PCDHGA2: variants seen among roughly 807,000 people sequenced by gnomAD.
PCDHGA2 encodes the protein protocadherin gamma-A2.
In PCDHGA2, 40 loss-of-function variants were observed where a neutral mutation model predicts 59.2. The ratio of observed to expected loss-of-function variants is 0.68; its 90% CI spans 0.52 to 0.88. The LOEUF (loss-of-function observed/expected upper bound fraction) is 0.88, where lower values mean the gene tolerates loss of function less well. Ranked by LOEUF, PCDHGA2 falls within the 40% of genes least tolerant of loss-of-function variation. The pLI, the probability that PCDHGA2 is intolerant of heterozygous loss-of-function variation, is 0.00. For missense variants in PCDHGA2, 1,226 were observed against 1,204.0 expected (o/e 1.02, Z -0.27); for synonymous variants, 560 against 526.0 (o/e 1.06, Z -0.89).
chr5:141,415,819 T>C, intron 1 of PCDHGA2: 1 of 1,328,322 alleles, frequency 7.5e-7, no homozygotes, highest in Admixed American at 3.5e-5. Context: ...CTATATATCA[T>C]AAGGCTTTGT....
At chr5:141,365,339 G>A in intron 1 of PCDHGA2, 7 of 1,613,990 alleles carry the variant, frequency 4.3e-6, no homozygotes, top group Non-Finnish European at 5.1e-6. Context: ...GGTGGTCACA[G>A]TACAGGACGT....
chr5:141,359,582 T>A (rs936451476), intron 1 of PCDHGA2, among the ~76,000 whole-genome samples: 2 of 151,660 alleles, frequency 1.3e-5, no homozygotes, highest in African/African-American at 4.9e-5. Context: ...CTTTAAGATA[T>A]AACAACTAAA....
intron 1 of PCDHGA2, chr5:141,346,074 T>C: frequency 3.1e-6 from 5 of 1,613,498 alleles, no homozygotes; most frequent in Non-Finnish European, 4.2e-6. Context: ...CCTCGAGCCC[T>C]CCGCCAAACC....
chr5:141,381,758 A>C (rs1777407424), intron 1 of PCDHGA2, among the ~76,000 whole-genome samples: 1 of 151,374 alleles, frequency 6.6e-6, no homozygotes. Context: ...TTGTTCTACT[A>C]CTATATAATC....
intron 1 of PCDHGA2, 33 bp downstream of exon 1, chr5:141,341,428 T>G: frequency 6.2e-7 from 1 of 1,612,296 alleles, no homozygotes; most frequent in Non-Finnish European, 8.5e-7. Context: ...ACGTACTAGC[T>G]AGTTTGCTGA....
chr5:141,389,789 C>T (rs1437335316), intron 1 of PCDHGA2: 6 of 1,613,328 alleles, frequency 3.7e-6, no homozygotes, highest in Admixed American at 3.3e-5. Flanking sequence ...ACAGGGACGC[C>T]GTCCGCCAGC....
chr5:141,400,229 T>C lies in PCDHGA2; in HGVS notation c.2424+58834T>C, dbSNP rs370433551. ...GCCTTGATCTCAGTGCTCTTCCTCCTGGCCGTGATTCTGGCCGTTGCCTTG... is the reference window on the plus strand; with the variant it reads ...GCCTTGATCTCAGTGCTCTTCCTCCCGGCCGTGATTCTGGCCGTTGCCTTG... On this transcript the variant is annotated intron_variant, in intron 1 of 3. Transcript: ENST00000394576. 3.1e-6 allele frequency: 5 copies of C among 1,613,872 alleles called. No individual in the cohort carries two copies. In the African/African-American group the frequency reaches 4.0e-5, roughly 13 times the overall value.
At position 141,476,760 on chromosome 5, in the gene PCDHGA2, C is replaced by A; in HGVS notation, c.2425-18047C>A. The A allele has an allele frequency of 6.2e-7, 1 of 1,613,824 alleles. No homozygotes were observed. Among genetic ancestry groups the A allele is most frequent in the Non-Finnish European group, 8.5e-7 (1 of 1,180,010 alleles). On this transcript the variant is annotated intron_variant, in intron 1 of 3. Coordinates refer to ENST00000394576, the MANE Select transcript of PCDHGA2 (RefSeq NM_018915.4). This position sits in a 1 kb window ranked among gnomAD's most constrained non-coding sequence, Gnocchi z 7.6. ...GAGCCTAGTCTCCAGTTAGTGCTGA[C>A]GGCGTTGGACGGAGGGACCCCAGCT...
intron 1 of PCDHGA2, chr5:141,423,090 G>GT (rs2096707772): frequency 2.5e-6 from 4 of 1,613,904 alleles, no homozygotes; most frequent in African/African-American, 2.7e-5. Flanking sequence ...TCGCGGTGGG[G>GT]GAGCACACGG....
intron 1 of PCDHGA2, chr5:141,430,540 G>T: frequency 2.6e-6 from 1 of 386,954 alleles, no homozygotes; most frequent in Admixed American, 4.2e-5. Flanking sequence ...GACTCTGAGC[G>T]CCGCTGTTCA....
chr5:141,481,694 C>A (rs2099542163), intron 1 of PCDHGA2, among the ~76,000 whole-genome samples: 1 of 152,130 alleles, frequency 6.6e-6, no homozygotes, highest in South Asian at 2.1e-4. Flanking sequence ...TGGCTCACGC[C>A]TGTAATCCCA....
rs761106133 is a variant in PCDHGA2 at position 141,432,117 on chromosome 5, C to A, written c.2425-62690C>A. 1 of 1,614,180 alleles carries A rather than the reference C, an allele frequency of 6.2e-7. No individual in the cohort carries two copies. Among genetic ancestry groups the A allele is most frequent in the Admixed American group, 1.7e-5 (1 of 60,024 alleles). ...ACCAACGACAACCCGCCGGTCTTCC[C>A]TCAGGCCTCCTATTCCGCTTATATC... On this transcript the variant is annotated intron_variant, in intron 1 of 3. Transcript: ENST00000394576. The surrounding 1 kb of genome is among the most constrained non-coding windows in gnomAD (Gnocchi z 6.0).
intron 1 of PCDHGA2, chr5:141,390,211 A>C (rs2092083901): frequency 6.2e-7 from 1 of 1,613,936 alleles, no homozygotes. Context: ...TCAGGACAAG[A>C]CATACTTTGC....
intron 1 of PCDHGA2, among the ~76,000 whole-genome samples, chr5:141,455,860 ATTATTTATTTAT>A (rs145569377): frequency 0.023 from 3,231 of 139,812 alleles, 82 homozygotes; most frequent in African/African-American, 0.066. Context: ...AATTTCTTTT[ATTATTTATTTAT>A]TTATTTATTT....
intron 1 of PCDHGA2, chr5:141,392,933 C>A: frequency 6.2e-7 from 1 of 1,613,930 alleles, no homozygotes; most frequent in Non-Finnish European, 8.5e-7. Flanking sequence ...AAGAGACGGA[C>A]AAAGGCTCCT....
At chr5:141,347,646 G>A (rs1757995163) in intron 1 of PCDHGA2, among the ~76,000 whole-genome samples, 1 of 152,010 alleles carries the variant, frequency 6.6e-6, no homozygotes. Context: ...AATTAGCTGG[G>A]CATGGTGGTG....
chr5:141,501,311 AC>A (rs2099807696), intron 2 of PCDHGA2, among the ~76,000 whole-genome samples: 1 of 151,670 alleles, frequency 6.6e-6, no homozygotes, highest in Non-Finnish European at 1.5e-5. Context: ...ACACACACAC[AC>A]ACACACACAC....
chr5:141,510,291 A>AG (rs903726285), intron 3 of PCDHGA2, among the ~76,000 whole-genome samples: 1 of 150,450 alleles, frequency 6.6e-6, no homozygotes, highest in African/African-American at 2.4e-5. Context: ...AAAAAAAAAA[A>AG]TGCTGTTTTG....
At chr5:141,411,417 C>T (rs2095487286) in intron 1 of PCDHGA2, 1 of 148,614 alleles carries the variant, frequency 6.7e-6, no homozygotes, top group Non-Finnish European at 1.5e-5. Context: ...ACTAAAACAA[C>T]AACAACAAAA....
Sources: allele counts gnomAD v4.1 joint callset (sites outside exome capture counted in the v4.1 genomes callset), GRCh38; gene constraint gnomAD v4.1.1; non-coding constraint Gnocchi (gnomAD v3.1); transcripts MANE v1.5; gene names NCBI Gene and HGNC (gene_info 2026-07-23, HGNC 2026-07-21).